PCM1: variants seen among roughly 807,000 people sequenced by gnomAD.
PCM1 encodes pericentriolar material 1, also known as pericentriolar material 1 protein.
A neutral mutation model predicts 241.9 loss-of-function variants in PCM1; 157 were observed. That is an observed-to-expected ratio of 0.65 (90% CI 0.57 to 0.74). PCM1 has a LOEUF of 0.74. Ranked by LOEUF, PCM1 falls within the 30% of genes least tolerant of loss-of-function variation. The pLI, the probability that PCM1 is intolerant of heterozygous loss-of-function variation, is 0.00. For missense variants in PCM1, 3,478 were observed against 2,360.1 expected (o/e 1.47, Z -9.81); for synonymous variants, 1,085 against 784.9 (o/e 1.38, Z -6.39).
At position 17,950,627 on chromosome 8, in the gene PCM1, C is replaced by T. The variant is rs2065680345; in HGVS notation, c.974C>T (p.Thr325Ile). ...AATTTCTTTCCAGTTGTTGCAGAAA[C>T]TGCAGGTAGCTTATCTGGCGTCAGT... is the stretch of plus-strand genomic sequence containing the variant. ...AVMDDSVVAE[T>I]AGSLSGVSIT... The change falls in exon 8 of 39, where the codon ACT becomes ATT. Residue 325 changes from threonine to isoleucine, a missense_variant. Physicochemically the swap from Thr to Ile is moderately conservative, Grantham distance 89 (BLOSUM62 -1). Transcript: ENST00000325083. 1.3e-6 allele frequency: 2 copies of T among 1,587,680 alleles called. No homozygotes were observed. The highest frequency in any genetic ancestry group is 1.7e-6 in the Non-Finnish European group (2 of 1,160,044).
chr8:17,969,966 C>T (rs927882528), intron 22 of PCM1, among the ~76,000 whole-genome samples: 13 of 152,148 alleles, frequency 8.5e-5, no homozygotes, highest in African/African-American at 3.1e-4. Context: ...TGGCGTAACT[C>T]ATAGGATTTG....
chr8:17,980,619 A>G lies in PCM1; in HGVS notation c.3972A>G (p.Thr1324=), dbSNP rs960408968. 1 of 1,612,794 alleles carries G rather than the reference A, an allele frequency of 6.2e-7. No individual in the cohort carries two copies. Among genetic ancestry groups the G allele is most frequent in the Non-Finnish European group, 8.5e-7 (1 of 1,179,368 alleles). ...IRYESASMSS[T]CEPCKSRNRH... ...ATGAAAGTGCCAGTATGTCTAGCAC[A>G]TGTGAACCTTGCAAAAGTAGGAACA... The change falls in exon 24 of 39, where the codon ACA becomes ACG. Residue 1324 remains threonine, a synonymous_variant. Coordinates refer to ENST00000325083, the MANE Select transcript of PCM1 (RefSeq NM_006197.4).
At chr8:18,018,867 T>TATATACATATAC (rs1212895332) in intron 36 of PCM1, among the ~76,000 whole-genome samples, 11 of 66,244 alleles carry the variant, frequency 1.7e-4, no homozygotes, top group African/African-American at 4.8e-4. Flanking sequence ...TATATATATA[T>TATATACATATAC]ATATATATAT....
chr8:17,932,121 A>G (rs1346931734), intron 2 of PCM1, among the ~76,000 whole-genome samples: 1 of 152,160 alleles, frequency 6.6e-6, no homozygotes, highest in African/African-American at 2.4e-5. Flanking sequence ...ATAATTACAT[A>G]TTTTGAAGGG....
In PCM1 at chr8:18,014,758, A is replaced by G. The variant is rs773211608; in HGVS notation, c.5759A>G (p.Glu1920Gly). The change falls in exon 36 of 39, where the codon GAA becomes GGA. Residue 1920 changes from glutamate to glycine, a missense_variant. Transcript: ENST00000325083. ...EMEPLVPRVKEVKSAQETPES... is the reference protein window; with the variant it reads ...EMEPLVPRVKGVKSAQETPES... ...GAACCCTTAGTGCCTAGAGTCAAAG[A>G]AGTTAAATCTGCTCAGGAAACTCCT... The G allele has an allele frequency of 2.5e-6, 4 of 1,612,406 alleles. No homozygotes were observed. In the African/African-American group the frequency reaches 5.3e-5, roughly 22 times the overall value.
intron 26 of PCM1, among the ~76,000 whole-genome samples, chr8:17,987,763 C>T (rs1279145444): frequency 2.0e-5 from 3 of 151,836 alleles, no homozygotes; most frequent in African/African-American, 7.2e-5. Context: ...GTAGAACTTT[C>T]TATAGTGATG....
Position 18,028,036 on chromosome 8 carries a change from C to A in PCM1, c.*374C>A. ...AGTCAATGTTTTATATAACTTTAGG[C>A]TGCTCAGAGAAGAGCAATGGTTAAG... On this transcript the variant is annotated 3_prime_UTR_variant, in exon 39 of 39. Transcript: ENST00000325083. The A allele has an allele frequency of 4.4e-6, 1 of 227,856 alleles. No homozygotes were observed. Among genetic ancestry groups the A allele is most frequent in the Non-Finnish European group, 8.7e-6 (1 of 115,302 alleles). The allele number at this position is 227,856 out of a possible 1,614,324, so 14.1% of individuals were successfully genotyped here.
rs1563541602 is a variant in PCM1 at position 17,924,750 on chromosome 8, T to G, written c.-53T>G. ...AAGTGTGGAGCGGGAAAGGAGCAGT[T>G]TCTGAGCTGCAAAAACTAGTTTCTA... On this transcript the variant is annotated 5_prime_UTR_variant, in exon 2 of 39. Coordinates refer to ENST00000325083, the MANE Select transcript of PCM1 (RefSeq NM_006197.4). 6.6e-6 allele frequency: 1 copy of G among 152,142 alleles called. No homozygotes were observed. The highest frequency in any genetic ancestry group is 1.5e-5 in the Non-Finnish European group (1 of 68,018). 9.4% of individuals were successfully genotyped at this position (152,142 alleles called of 1,614,324 possible).
At chr8:18,013,804 A>G (rs1209110417) in intron 34 of PCM1, 160 bp from the exon 35 acceptor site, 4 of 571,042 alleles carry the variant, frequency 7.0e-6, no homozygotes, top group African/African-American at 2.0e-5. Flanking sequence ...CCATCTTGAA[A>G]TCACAACCAA....
intron 9 of PCM1, among the ~76,000 whole-genome samples, chr8:17,954,722 G>C (rs1373939607): frequency 1.3e-5 from 2 of 152,112 alleles, no homozygotes; most frequent in Admixed American, 1.3e-4. Flanking sequence ...CTTTGAAATG[G>C]TAGGAGGTAG....
intron 2 of PCM1, chr8:17,934,927 TAG>T (rs1299335601): frequency 6.6e-6 from 1 of 152,158 alleles, no homozygotes; most frequent in East Asian, 1.9e-4. Context: ...TGGGGAGGAT[TAG>T]AGTTTGGTAG....
intron 36 of PCM1, among the ~76,000 whole-genome samples, chr8:18,023,946 C>T (rs1165825025): frequency 6.6e-6 from 1 of 152,208 alleles, no homozygotes; most frequent in African/African-American, 2.4e-5. Flanking sequence ...GATAATGCTA[C>T]TCCATTTGGC....
chr8:17,979,650 CA>C (rs1329974806), intron 23 of PCM1, among the ~76,000 whole-genome samples: 1 of 151,986 alleles, frequency 6.6e-6, no homozygotes, highest in Non-Finnish European at 1.5e-5. Flanking sequence ...AAAGATTGAA[CA>C]AATATAAAAA....
chr8:17,986,156 T>C, intron 26 of PCM1, 69 bp downstream of exon 26: 1 of 1,107,768 alleles, frequency 9.0e-7, no homozygotes, highest in Non-Finnish European at 1.3e-6. Context: ...TTAAATAGAT[T>C]ATTGTCAAAT....
chr8:17,947,002 G>T (rs180857990), intron 6 of PCM1, among the ~76,000 whole-genome samples, 184 bp from the exon 7 acceptor site: 74 of 151,934 alleles, frequency 4.9e-4, no homozygotes, highest in Middle Eastern at 3.4e-3. Flanking sequence ...TAAGTGGCAG[G>T]CTATATATAT....
chr8:17,997,701 C>G (rs903654584), intron 29 of PCM1, among the ~76,000 whole-genome samples: 1 of 151,906 alleles, frequency 6.6e-6, no homozygotes, highest in African/African-American at 2.4e-5. Flanking sequence ...TTATCTCAAT[C>G]TGTTTATTAA....
intron 2 of PCM1, among the ~76,000 whole-genome samples, chr8:17,928,163 T>C (rs1016281090): frequency 6.6e-6 from 1 of 152,248 alleles, no homozygotes; most frequent in African/African-American, 2.4e-5. Context: ...TCTTTCTGTT[T>C]AACTTGCATG....
chr8:17,962,188 T>A lies in PCM1; in HGVS notation c.2463+14T>A. ...GTAGATAATGAGGTATTGTAAATTG[T>A]ACTCTCTTGTTCCTGAGTTAGTCTT... On this transcript the variant is annotated intron_variant, in intron 16 of 38. Coordinates refer to ENST00000325083, the MANE Select transcript of PCM1 (RefSeq NM_006197.4). The A allele has an allele frequency of 6.3e-7, 1 of 1,591,218 alleles. No individual in the cohort carries two copies. Among genetic ancestry groups the A allele is most frequent in the South Asian group, 1.1e-5 (1 of 88,066 alleles).
intron 23 of PCM1, 56 bp from the exon 24 acceptor site, chr8:17,980,535 C>T (rs2080350938): frequency 2.8e-6 from 4 of 1,442,632 alleles, no homozygotes; most frequent in Non-Finnish European, 3.7e-6. Context: ...AAACCGATTT[C>T]CCTTTTAGTT....
Sources: allele counts gnomAD v4.1 joint callset (sites outside exome capture counted in the v4.1 genomes callset), GRCh38; gene constraint gnomAD v4.1.1; transcripts MANE v1.5; gene names NCBI Gene and HGNC (gene_info 2026-07-23, HGNC 2026-07-21).